Variants in VPS45 observed in about 807,000 individuals in gnomAD.
VPS45 encodes the protein vacuolar protein sorting-associated protein 45.
A neutral mutation model predicts 75.9 loss-of-function variants in VPS45; 35 were observed. That is an observed-to-expected ratio of 0.46 (90% CI 0.35 to 0.61). The LOEUF (loss-of-function observed/expected upper bound fraction) is 0.61. Ranked by LOEUF, VPS45 falls within the 20% of genes least tolerant of loss-of-function variation. VPS45 has a pLI of 0.00. For missense variants in VPS45, 559 were observed against 685.9 expected (o/e 0.81, Z 2.07); for synonymous variants, 220 against 238.2 (o/e 0.92, Z 0.70).
At chr1:150,077,437 A>G (rs1407263237) in intron 6 of VPS45, 2 of 790,142 alleles carry the variant, frequency 2.5e-6, no homozygotes, top group Non-Finnish European at 3.9e-6. Context: ...AACATTCACA[A>G]GCTATTTAAC....
intron 14 of VPS45, among the ~76,000 whole-genome samples, chr1:150,125,932 C>T (rs1000599068): frequency 1.3e-5 from 2 of 152,064 alleles, no homozygotes; most frequent in Non-Finnish European, 2.9e-5. Flanking sequence ...GTGATCCACC[C>T]GTCTCAGACT....
chr1:150,118,740 A>G (rs1658079362), intron 14 of VPS45, among the ~76,000 whole-genome samples: 1 of 152,228 alleles, frequency 6.6e-6, no homozygotes, highest in Non-Finnish European at 1.5e-5. Context: ...TTAAGAAGGT[A>G]AGGCAGTCCT....
intron 13 of VPS45, among the ~76,000 whole-genome samples, chr1:150,104,364 T>C (rs587726752): frequency 6.6e-6 from 1 of 152,328 alleles, no homozygotes; most frequent in South Asian, 2.1e-4. Context: ...TTATGCCTGC[T>C]TAGTATTCCA....
Position 150,081,993 on chromosome 1 carries a change from T to G in VPS45, c.932T>G (p.Met311Arg). ...CAAAAACTAGAATCAATAGCAGACA[T>G]GAAGGTAAATTGAACATGTACATGA... ...EQQKLESIADMKAFVENYPQF... is the reference protein window; with the variant it reads ...EQQKLESIADRKAFVENYPQF... The change falls in exon 9 of 15, where the codon ATG (methionine) becomes AGG (arginine). Residue 311 changes from methionine to arginine, a missense_variant. Met to Arg is a moderately conservative substitution (Grantham distance 91). Coordinates refer to ENST00000644510, the MANE Select transcript of VPS45 (RefSeq NM_007259.5). The G allele has an allele frequency of 1.3e-6, 2 of 1,594,124 alleles. No individual in the cohort carries two copies. The highest frequency in any genetic ancestry group is 1.7e-6 in the Non-Finnish European group (2 of 1,163,720).
At chr1:150,086,924 A>G (rs1247372432) in intron 10 of VPS45, among the ~76,000 whole-genome samples, 1 of 151,848 alleles carries the variant, frequency 6.6e-6, no homozygotes, top group Non-Finnish European at 1.5e-5. Flanking sequence ...CTACATTAAT[A>G]TAGTAGATAA....
chr1:150,089,184 G>A (rs1656187960), intron 10 of VPS45, among the ~76,000 whole-genome samples: 1 of 152,064 alleles, frequency 6.6e-6, no homozygotes, highest in Non-Finnish European at 1.5e-5. Context: ...TACCAGTTTT[G>A]TGAATTTATA....
At chr1:150,081,221 C>A (rs587643427) in intron 7 of VPS45, 121 bp from the exon 8 acceptor site, 2 of 992,338 alleles carry the variant, frequency 2.0e-6, no homozygotes, top group Non-Finnish European at 1.4e-6. Flanking sequence ...AAATTTAACT[C>A]GAGAATCTTC....
At chr1:150,110,736 C>A (rs1030618886) in intron 14 of VPS45, 109 bp downstream of exon 14, 1 of 1,075,636 alleles carries the variant, frequency 9.3e-7, no homozygotes, top group Non-Finnish European at 1.3e-6. Context: ...CTGCTGTAGA[C>A]TGAAATTCTC....
Position 150,088,475 on chromosome 1 carries a change from C to CTTTTTTTTTTTT in VPS45, c.1105-3456_1105-3455insTTTTTTTTTTTT, listed in dbSNP as rs1312269902. 4.6e-5 allele frequency among the ~76,000 whole-genome samples: 4 copies of CTTTTTTTTTTTT among 87,876 alleles called. 2 individuals are homozygous for CTTTTTTTTTTTT. Among genetic ancestry groups the CTTTTTTTTTTTT allele is most frequent in the Non-Finnish European group, 8.0e-5 (4 of 50,064 alleles). The allele number at this position is 87,876 out of a possible 152,430, so 57.7% of individuals were successfully genotyped here. A position where few individuals can be genotyped will look rare whatever the true frequency, so the allele number is the denominator to read the frequency against. On this transcript the variant is annotated intron_variant, in intron 10 of 14. Coordinates refer to ENST00000644510, the MANE Select transcript of VPS45 (RefSeq NM_007259.5). ...TATATATGCTGCTATTTTCTTTTCC[C>CTTTTTTTTTTTT]TTTTTTCTTTTTTTTTTTTTTTGAG...
At chr1:150,089,812 G>A (rs1171208020) in intron 10 of VPS45, among the ~76,000 whole-genome samples, 1 of 152,124 alleles carries the variant, frequency 6.6e-6, no homozygotes, top group Non-Finnish European at 1.5e-5. Flanking sequence ...TGCTCTAGGG[G>A]AAAGATCCCA....
At chr1:150,098,302 T>A (rs1656787157) in intron 13 of VPS45, among the ~76,000 whole-genome samples, 1 of 152,238 alleles carries the variant, frequency 6.6e-6, no homozygotes, top group Admixed American at 6.5e-5. Context: ...TGTTAATCTT[T>A]GGGGTTTTCA....
Position 150,115,098 on chromosome 1 carries a change from C to T in VPS45, c.1625+4471C>T, listed in dbSNP as rs1305424532. The stretch of plus-strand genomic sequence containing the variant: ...TTTGGCATAATTTCTGGAAATTTTA[C>T]AGTCATTATTTCTTTGACTGTTGCT... On this transcript the variant is annotated intron_variant, in intron 14 of 14. Transcript: ENST00000644510. 4.6e-5 allele frequency among the ~76,000 whole-genome samples: 7 copies of T among 152,236 alleles called. No homozygotes were observed. In the East Asian group the frequency reaches 1.4e-3, roughly 29 times the overall value.
chr1:150,142,285 T>C (rs182849008), intron 14 of VPS45, among the ~76,000 whole-genome samples: 2 of 152,322 alleles, frequency 1.3e-5, no homozygotes, highest in African/African-American at 2.4e-5. Flanking sequence ...TCCCAGCACA[T>C]TTATTTCATT....
intron 14 of VPS45, among the ~76,000 whole-genome samples, chr1:150,143,229 TTATG>T (rs1297280969): frequency 4.6e-5 from 7 of 152,140 alleles, no homozygotes; most frequent in Non-Finnish European, 7.3e-5. Context: ...GATTATGTAT[TTATG>T]TATGTATGTA....
chr1:150,084,447 GAGA>G (rs1468212322), intron 10 of VPS45, among the ~76,000 whole-genome samples: 2 of 152,144 alleles, frequency 1.3e-5, no homozygotes, highest in South Asian at 4.1e-4. Flanking sequence ...ATTTCAAAGG[GAGA>G]AGAATTAGAC....
At position 150,067,895 on chromosome 1, in the gene VPS45, A is replaced by G. The variant is rs139992347; in HGVS notation, c.38A>G (p.Lys13Arg). The G allele has an allele frequency of 8.8e-5, 142 of 1,614,096 alleles. No homozygotes were observed. Among genetic ancestry groups the G allele is most frequent in the Non-Finnish European group, 1.2e-4 (137 of 1,180,028 alleles). The change falls in exon 1 of 15, where the codon AAA (lysine) becomes AGA (arginine). Residue 13 changes from lysine (K) to arginine (R), a missense_variant. Coordinates refer to ENST00000644510, the MANE Select transcript of VPS45 (RefSeq NM_007259.5). ...TTTGCTGTGAAGCAGTACATTTCCA[A>G]AATGATAGAGGACAGCGGGCCTGGT... Reference protein sequence around the residue: ...VVFAVKQYISKMIEDSGPGMK... With the variant: ...VVFAVKQYISRMIEDSGPGMK...
rs782611303 is a variant in VPS45, at chr1:150,067,808, G to A, written c.-50G>A. On this transcript the variant is annotated 5_prime_UTR_variant, in exon 1 of 15. Coordinates refer to ENST00000644510, the MANE Select transcript of VPS45 (RefSeq NM_007259.5). ...GGCCAACAGACTGGGGGTTAATTTA[G>A]CCAGAAAAGGGGGCGGGAAGGGCTG... 1.3e-5 allele frequency: 21 copies of A among 1,589,942 alleles called. No individual in the cohort carries two copies. Among genetic ancestry groups the A allele is most frequent in the South Asian group, 6.7e-5 (6 of 90,206 alleles).
chr1:150,090,572 G>T (rs1236585319), intron 10 of VPS45, among the ~76,000 whole-genome samples: 1 of 152,088 alleles, frequency 6.6e-6, no homozygotes, highest in Non-Finnish European at 1.5e-5. Flanking sequence ...TTTTAAATCA[G>T]AGCCCTAATA....
intron 14 of VPS45, among the ~76,000 whole-genome samples, chr1:150,124,415 C>T (rs587774852): frequency 1.2e-4 from 18 of 151,830 alleles, no homozygotes; most frequent in South Asian, 6.2e-4. Flanking sequence ...GCCGAGATCG[C>T]GCCACTGCAC....
Sources: allele counts gnomAD v4.1 joint callset (sites outside exome capture counted in the v4.1 genomes callset), GRCh38; gene constraint gnomAD v4.1.1; transcripts MANE v1.5; gene names NCBI Gene and HGNC (gene_info 2026-07-23, HGNC 2026-07-21).